GCLC: variants seen among roughly 807,000 people sequenced by gnomAD.
The protein encoded by GCLC is glutamate-cysteine ligase catalytic subunit.
A neutral mutation model predicts 81.5 loss-of-function variants in GCLC; 30 were observed. That is an observed-to-expected ratio of 0.37 (90% CI 0.28 to 0.50). The LOEUF (loss-of-function observed/expected upper bound fraction) is 0.50, where lower values mean the gene tolerates loss of function less well. Ranked by LOEUF, GCLC falls within the 20% of genes least tolerant of loss-of-function variation. GCLC has a pLI of 0.96. For missense variants in GCLC, 556 were observed against 777.4 expected, an observed-to-expected ratio of 0.72 and a Z score of 3.39; for synonymous variants, 262 against 273.3, an observed-to-expected ratio of 0.96 and a Z score of 0.41.
In GCLC at chr6:53,514,577, A is replaced by C. The variant is rs774188852; in HGVS notation, c.561-80T>G. 3 of 988,758 alleles carry C rather than the reference A, an allele frequency of 3.0e-6. No homozygotes were observed. In the Admixed American group the frequency reaches 5.1e-5, roughly 17 times the overall value. The allele number at this position is 988,758 out of a possible 1,614,324, so 61.2% of individuals were successfully genotyped here. ...AGAAGAATTTGATTACATACAAGTA[A>C]GTGGAATGAAATCATACCTCAAATT... On this transcript the variant is annotated intron_variant, in intron 4 of 15. Transcript: ENST00000650454.
intron 6 of GCLC, among the ~76,000 whole-genome samples, chr6:53,510,671 A>G (rs1277233931): frequency 1.3e-5 from 2 of 152,226 alleles, no homozygotes; most frequent in East Asian, 3.8e-4. Context: ...ACTTGAAATA[A>G]CAGCAGCTAA....
chr6:53,507,569 A>G lies in GCLC; in HGVS notation c.995T>C (p.Ile332Thr), dbSNP rs368177629. The change falls in exon 9 of 16, where the codon ATA (isoleucine) becomes ACA (threonine). Residue 332 changes from isoleucine to threonine, a missense_variant. Ile to Thr is a moderately conservative substitution (Grantham distance 89, BLOSUM62 -1). Around this residue, in one of 3 missense-constraint regions of GCLC, gnomAD observed 313 missense variants for 437.3 expected, o/e 0.72. Transcript: ENST00000650454. ...ACCACACTTAGATAAATAGCTGTCT[A>G]TTGAGTCATATCGGGATTTACTGAT... is the stretch of plus-strand genomic sequence containing the variant. ...YRISKSRYDS[I>T]DSYLSKCGEK... 1 of 1,581,278 alleles carries G rather than the reference A, an allele frequency of 6.3e-7. No homozygotes were observed. Among genetic ancestry groups the G allele is most frequent in the Non-Finnish European group, 8.7e-7 (1 of 1,150,346 alleles).
intron 1 of GCLC, among the ~76,000 whole-genome samples, chr6:53,542,840 C>T (rs538466061): frequency 1.3e-5 from 2 of 152,154 alleles, no homozygotes; most frequent in African/African-American, 4.8e-5. Flanking sequence ...GAAACCCTAT[C>T]TCTACTAAAA....
chr6:53,536,750 A>G lies in GCLC; in HGVS notation c.150+7746T>C, dbSNP rs867753538. Among the ~76,000 whole-genome samples, 55 of 152,356 alleles carry G rather than the reference A, an allele frequency of 3.6e-4. 1 individual carries two copies. The highest frequency in any genetic ancestry group is 1.2e-3 in the African/African-American group (51 of 41,586). Reference sequence around the variant, plus strand: ...TTACTCAGGTTTATGCTTCAAAATGAAACTACAGACAGTACCAATCAATGA... The same window carrying G: ...TTACTCAGGTTTATGCTTCAAAATGGAACTACAGACAGTACCAATCAATGA... On this transcript the variant is annotated intron_variant, in intron 1 of 15. Transcript: ENST00000650454.
chr6:53,509,322 A>G, intron 6 of GCLC, 72 bp from the exon 7 acceptor site: 1 of 916,638 alleles, frequency 1.1e-6, no homozygotes, highest in Non-Finnish European at 1.8e-6. Context: ...AAGTCAGAGA[A>G]GGAAGGTGCT....
Position 53,520,803 on chromosome 6 carries a change from G to C in GCLC, c.421C>G (p.Leu141Val), listed in dbSNP as rs902598198. 6.8e-6 allele frequency: 11 copies of C among 1,614,126 alleles called. No homozygotes were observed. Among genetic ancestry groups the C allele is most frequent in the African/African-American group, 1.3e-5 (1 of 75,054 alleles). ...ATSILEENQALCTITSFPRLG... is the reference protein window; with the variant it reads ...ATSILEENQAVCTITSFPRLG... The stretch of plus-strand genomic sequence containing the variant: ...CTGGGAAATGAAGTTATTGTGCAAA[G>C]AGCCTGATTTTCTTCTAATATAGAA... The change falls in exon 3 of 16, where the codon CTT becomes GTT. Residue 141 changes from leucine (L) to valine (V), a missense_variant. Leu to Val is a conservative substitution (Grantham distance 32). Coordinates refer to ENST00000650454, the MANE Select transcript of GCLC (RefSeq NM_001498.4).
chr6:53,525,337 A>C (rs1488488462), intron 1 of GCLC, among the ~76,000 whole-genome samples: 2 of 152,244 alleles, frequency 1.3e-5, no homozygotes, highest in Non-Finnish European at 2.9e-5. Flanking sequence ...CATATTTAAA[A>C]GTCAAACTAG....
chr6:53,537,645 A>G (rs1763278506), intron 1 of GCLC, among the ~76,000 whole-genome samples: 1 of 148,532 alleles, frequency 6.7e-6, no homozygotes, highest in African/African-American at 2.6e-5. Flanking sequence ...AAATACATAA[A>G]TACATAATAT....
chr6:53,508,587 A>G lies in GCLC; in HGVS notation c.945+8T>C. 1 of 1,537,316 alleles carries G rather than the reference A, an allele frequency of 6.5e-7. No homozygotes were observed. Among genetic ancestry groups the G allele is most frequent in the South Asian group, 1.1e-5 (1 of 89,556 alleles). On this transcript the variant is annotated splice_region_variant and intron_variant, in intron 8 of 15. Coordinates refer to ENST00000650454, the MANE Select transcript of GCLC (RefSeq NM_001498.4). Reference sequence around the variant, plus strand: ...TTAAAAGGGCTATTAAGGAAAAACAATTCCCACCTCCAGTCCTCGCTCCTC... The same window carrying G: ...TTAAAAGGGCTATTAAGGAAAAACAGTTCCCACCTCCAGTCCTCGCTCCTC...
intron 8 of GCLC, 65 bp from the exon 9 acceptor site, chr6:53,507,683 ATG>A: frequency 1.9e-5 from 13 of 674,776 alleles, no homozygotes; most frequent in Non-Finnish European, 2.6e-5. Flanking sequence ...ATTTTTATAT[ATG>A]ATAATTATAT....
chr6:53,498,844 G>C lies in GCLC; in HGVS notation c.1826C>G (p.Ala609Gly). The C allele has an allele frequency of 6.2e-7, 1 of 1,612,692 alleles. No homozygotes were observed. Among genetic ancestry groups the C allele is most frequent in the South Asian group, 1.1e-5 (1 of 91,064 alleles). ...CTCTGGGCATTCACATAATTCATTT[G>C]CAATTTGGTTACACTTCAAAATAAG... ...YSLILKCNQI[A>G]NELCECPELL... Residue 609 changes from alanine (A) to glycine (G), a missense_variant, in exon 16 of 16, where the codon GCA (alanine) becomes GGA (glycine). Physicochemically the swap from Ala to Gly is moderately conservative, Grantham distance 60. Around this residue, in one of 3 missense-constraint regions of GCLC, gnomAD observed 313 missense variants for 437.3 expected, o/e 0.72. Coordinates refer to ENST00000650454, the MANE Select transcript of GCLC (RefSeq NM_001498.4).
chr6:53,540,677 A>G (rs1225714413), intron 1 of GCLC, among the ~76,000 whole-genome samples: 1 of 148,050 alleles, frequency 6.8e-6, no homozygotes, highest in African/African-American at 2.6e-5. Context: ...CCACACACAC[A>G]CACACACACA....
intron 1 of GCLC, among the ~76,000 whole-genome samples, chr6:53,535,858 C>T (rs1171266910): frequency 6.6e-6 from 1 of 152,186 alleles, no homozygotes; most frequent in Admixed American, 6.5e-5. Context: ...GCATACTCTG[C>T]TAGTGAGAAT....
intron 6 of GCLC, among the ~76,000 whole-genome samples, chr6:53,511,484 C>T (rs1029364341): frequency 6.6e-6 from 1 of 152,082 alleles, no homozygotes; most frequent in Admixed American, 6.5e-5. Context: ...AGTTTTTCAA[C>T]TGGCTTCTCT....
chr6:53,524,082 G>A (rs1763042555), intron 1 of GCLC, among the ~76,000 whole-genome samples: 1 of 152,218 alleles, frequency 6.6e-6, no homozygotes, highest in Admixed American at 6.5e-5. Context: ...ACTTGGTTGA[G>A]TCTCAGAATG....
At chr6:53,544,428 G>A (rs1763410942) in intron 1 of GCLC, 68 bp downstream of exon 1, 1 of 1,543,606 alleles carries the variant, frequency 6.5e-7, no homozygotes, top group East Asian at 2.3e-5. Context: ...GGGGCGTAGG[G>A]CAAGACAAAG....
chr6:53,512,170 C>T (rs896607622), intron 6 of GCLC, among the ~76,000 whole-genome samples: 1 of 151,982 alleles, frequency 6.6e-6, no homozygotes, highest in African/African-American at 2.4e-5. Flanking sequence ...GTCTCAAACT[C>T]CTGACCTCAA....
At chr6:53,499,478 C>T (rs1224498124) in intron 15 of GCLC, among the ~76,000 whole-genome samples, 1 of 152,186 alleles carries the variant, frequency 6.6e-6, no homozygotes, top group Non-Finnish European at 1.5e-5. Flanking sequence ...TCCTTTGTGA[C>T]TCCAGAAAGT....
Position 53,514,428 on chromosome 6 carries a change from A to G in GCLC, c.619+11T>C, listed in dbSNP as rs767994982. Reference sequence around the variant, plus strand: ...TCTCTCTCCCACCCCACCACCTCTCAGTAGACTTACTTGGTACATTGATGA... The same window carrying G: ...TCTCTCTCCCACCCCACCACCTCTCGGTAGACTTACTTGGTACATTGATGA... On this transcript the variant is annotated intron_variant, in intron 5 of 15. Transcript: ENST00000650454. The G allele has an allele frequency of 1.2e-6, 2 of 1,608,270 alleles. No homozygotes were observed. Among genetic ancestry groups the G allele is most frequent in the Non-Finnish European group, 8.5e-7 (1 of 1,174,720 alleles).
Sources: gnomAD v4.1 joint callset for allele counts (sites outside exome capture counted in the v4.1 genomes callset) on GRCh38, gnomAD v4.1.1 for gene constraint, gnomAD v4.1.1 regional missense constraint, MANE v1.5 for transcripts, NCBI Gene and HGNC (gene_info 2026-07-23, HGNC 2026-07-21) for gene names.